Variants in BORCS5 observed in about 807,000 individuals in gnomAD.
BORCS5 encodes the protein BLOC-1 related complex subunit 5.
A neutral mutation model predicts 22.1 loss-of-function variants in BORCS5; 17 were observed. The observed-to-expected ratio is 0.77, with a 90% CI of 0.53 to 1.15. BORCS5 has a LOEUF of 1.15. Among genes scored for constraint, BORCS5 ranks in the 50% most tolerant of loss-of-function variants. BORCS5 has a pLI of 0.00. For missense variants in BORCS5, 247 were observed against 253.2 expected (o/e 0.98, Z 0.17); for synonymous variants, 117 against 99.8 (o/e 1.17, Z -1.03).
At chr12:12,434,036 G>C (rs2136123105) in intron 2 of BORCS5, among the ~76,000 whole-genome samples, 1 of 152,118 alleles carries the variant, frequency 6.6e-6, no homozygotes, top group East Asian at 1.9e-4. Flanking sequence ...GCTTTGGCCA[G>C]GTGAGGTGGC....
At chr12:12,392,028 G>A (rs1217169849) in intron 2 of BORCS5, among the ~76,000 whole-genome samples, 1 of 138,770 alleles carries the variant, frequency 7.2e-6, no homozygotes, top group Admixed American at 7.5e-5. Flanking sequence ...CCTGGGCAAT[G>A]GAGTGAGACT....
At position 12,357,269 on chromosome 12, in the gene BORCS5, C is replaced by A; in HGVS notation, c.-183C>A. 6.9e-7 allele frequency: 1 copy of A among 1,459,036 alleles called. No individual in the cohort carries two copies. The highest frequency in any genetic ancestry group is 9.0e-7 in the Non-Finnish European group (1 of 1,107,340). 90.4% of individuals were successfully genotyped at this position (1,459,036 alleles called of 1,614,324 possible). Reference sequence around the variant, plus strand: ...TTTCTGTTCCCCAAATAGGGCCTCTCCTTCTCCCGCCGCCCAGGCCCCTGC... The same window carrying A: ...TTTCTGTTCCCCAAATAGGGCCTCTACTTCTCCCGCCGCCCAGGCCCCTGC... On this transcript the variant is annotated 5_prime_UTR_variant, in exon 1 of 4. Transcript: ENST00000314565.
intron 2 of BORCS5, among the ~76,000 whole-genome samples, chr12:12,420,371 T>C (rs1254820223): frequency 1.3e-5 from 2 of 152,244 alleles, no homozygotes; most frequent in Non-Finnish European, 2.9e-5. Context: ...TGTGGTGTTA[T>C]TTCTGAGGGC....
At chr12:12,374,314 C>G (rs1163534650) in intron 2 of BORCS5, among the ~76,000 whole-genome samples, 1 of 151,462 alleles carries the variant, frequency 6.6e-6, no homozygotes, top group Non-Finnish European at 1.5e-5. Context: ...GTTTAAAAGT[C>G]TTCTATATAT....
chr12:12,419,108 A>G (rs1255105633), intron 2 of BORCS5, among the ~76,000 whole-genome samples: 1 of 152,060 alleles, frequency 6.6e-6, no homozygotes, highest in East Asian at 1.9e-4. Flanking sequence ...GGTTTGATAA[A>G]TAGGTATATA....
chr12:12,403,084 G>C lies in BORCS5; in HGVS notation c.203-32544G>C, dbSNP rs563348762. On this transcript the variant is annotated intron_variant, in intron 2 of 3. Coordinates refer to ENST00000314565, the MANE Select transcript of BORCS5 (RefSeq NM_058169.6). ...TTTCCCTTTTTTTTTTTGCACAAAAGTGTTACATGTATTTTCTCGTTTAAT... is the reference window on the plus strand; with the variant it reads ...TTTCCCTTTTTTTTTTTGCACAAAACTGTTACATGTATTTTCTCGTTTAAT... Among the ~76,000 whole-genome samples, 18 of 151,310 alleles carry C rather than the reference G, an allele frequency of 1.2e-4. No homozygotes were observed. In the South Asian group the frequency reaches 2.9e-3, roughly 25 times the overall value.
chr12:12,421,871 TG>T (rs1338052577), intron 2 of BORCS5, among the ~76,000 whole-genome samples: 4 of 152,228 alleles, frequency 2.6e-5, no homozygotes, highest in African/African-American at 9.6e-5. Flanking sequence ...GATGATAGTT[TG>T]TATTTCTGTG....
chr12:12,404,261 C>A (rs1393923232), intron 2 of BORCS5, among the ~76,000 whole-genome samples: 2 of 152,114 alleles, frequency 1.3e-5, no homozygotes, highest in African/African-American at 4.8e-5. Flanking sequence ...AGCCAAGGCC[C>A]AAGGGAGCAC....
chr12:12,391,108 C>T (rs1004061824), intron 2 of BORCS5, among the ~76,000 whole-genome samples: 3 of 151,956 alleles, frequency 2.0e-5, no homozygotes, highest in African/African-American at 7.3e-5. Flanking sequence ...TGCATCCAGT[C>T]AGTCTTGTTT....
chr12:12,435,788 A>T lies in BORCS5; in HGVS notation c.360+3A>T, dbSNP rs773408896. The T allele has an allele frequency of 1.2e-6, 2 of 1,608,254 alleles. No homozygotes were observed. Among genetic ancestry groups the T allele is most frequent in the Non-Finnish European group, 1.7e-6 (2 of 1,176,730 alleles). On this transcript the variant is annotated splice_donor_region_variant and intron_variant, in intron 3 of 3. Transcript: ENST00000314565. ...CTTTGGTTAAACGAATCAAAGAGGT[A>T]ATGTGCTGCGGGAAAATAACATTGC...
At chr12:12,357,861 C>T (rs1863182292) in intron 1 of BORCS5, among the ~76,000 whole-genome samples, 5 of 152,190 alleles carry the variant, frequency 3.3e-5, no homozygotes, top group Admixed American at 3.3e-4. Flanking sequence ...ATTATAGGAC[C>T]TCTAAGAACA....
In BORCS5 at chr12:12,469,557, G is replaced by A. The variant is rs577879143; in HGVS notation, c.*3781G>A. Reference sequence around the variant, plus strand: ...AGGTTACATAAACTAATGGCCCTGGGGCGAATGACGTATGCCACTTTTGTG... The same window carrying A: ...AGGTTACATAAACTAATGGCCCTGGAGCGAATGACGTATGCCACTTTTGTG... On this transcript the variant is annotated 3_prime_UTR_variant, in exon 4 of 4. Coordinates refer to ENST00000314565, the MANE Select transcript of BORCS5 (RefSeq NM_058169.6). The A allele has an allele frequency of 1.3e-5, 2 of 152,318 alleles. No individual in the cohort carries two copies. The highest frequency in any genetic ancestry group is 6.5e-5 in the Admixed American group (1 of 15,294). The allele number at this position is 152,318 out of a possible 1,614,324, so 9.4% of individuals were successfully genotyped here. A position where few individuals can be genotyped will look rare whatever the true frequency, so the allele number is the denominator to read the frequency against.
chr12:12,412,945 T>G (rs1451489267), intron 2 of BORCS5, among the ~76,000 whole-genome samples: 1 of 141,418 alleles, frequency 7.1e-6, no homozygotes, highest in Non-Finnish European at 1.5e-5. Context: ...TCTTGGGTGT[T>G]TCTCACAGAG....
At chr12:12,431,306 G>A (rs1441094991) in intron 2 of BORCS5, among the ~76,000 whole-genome samples, 3 of 151,782 alleles carry the variant, frequency 2.0e-5, no homozygotes, top group Non-Finnish European at 4.4e-5. Flanking sequence ...CTTATTATAA[G>A]TGAGGTTGTG....
chr12:12,357,161 A>G lies in BORCS5; in HGVS notation c.-291A>G, dbSNP rs1384728876. ...CGCCCGCCGGCCGCAGGTGCGGCAAAGCCAGTGTCATCTGCCGGTTCTCTT... is the reference window on the plus strand; with the variant it reads ...CGCCCGCCGGCCGCAGGTGCGGCAAGGCCAGTGTCATCTGCCGGTTCTCTT... On this transcript the variant is annotated 5_prime_UTR_variant, in exon 1 of 4. Coordinates refer to ENST00000314565, the MANE Select transcript of BORCS5 (RefSeq NM_058169.6). 19 of 1,532,062 alleles carry G rather than the reference A, an allele frequency of 1.2e-5. No individual in the cohort carries two copies. Among genetic ancestry groups the G allele is most frequent in the Non-Finnish European group, 1.6e-5 (18 of 1,145,296 alleles). The allele number at this position is 1,532,062 out of a possible 1,614,324, so 94.9% of individuals were successfully genotyped here.
chr12:12,415,077 G>GCT (rs1357389245), intron 2 of BORCS5, among the ~76,000 whole-genome samples: 2 of 149,744 alleles, frequency 1.3e-5, no homozygotes, highest in African/African-American at 4.9e-5. Flanking sequence ...GGGCAGCCAG[G>GCT]CAGAGAGGCT....
chr12:12,447,147 T>A (rs749008427), intron 3 of BORCS5, among the ~76,000 whole-genome samples: 1 of 152,180 alleles, frequency 6.6e-6, no homozygotes, highest in Admixed American at 6.5e-5. Flanking sequence ...TGCCTCTCCA[T>A]CAGATATTGT....
At position 12,357,400 on chromosome 12, in the gene BORCS5, G is replaced by A. The variant is rs1863165619; in HGVS notation, c.-52G>A. 3.1e-6 allele frequency: 5 copies of A among 1,587,378 alleles called. No homozygotes were observed. Among genetic ancestry groups the A allele is most frequent in the South Asian group, 1.1e-5 (1 of 89,246 alleles). On this transcript the variant is annotated 5_prime_UTR_variant, in exon 1 of 4. Transcript: ENST00000314565. ...GCCCCTGCCCTGTCGCCCGCCGCCG[G>A]AGCGGTGACCGCCCGGCCCGCCGTT... is the stretch of plus-strand genomic sequence containing the variant.
intron 1 of BORCS5, among the ~76,000 whole-genome samples, chr12:12,358,054 ATTG>A (rs747035672): frequency 1.1e-4 from 17 of 152,158 alleles, no homozygotes; most frequent in Non-Finnish European, 2.4e-4. Flanking sequence ...GGTGTTTTCC[ATTG>A]TTGTTCTCTG....
Sources: gnomAD v4.1 joint callset for allele counts (sites outside exome capture counted in the v4.1 genomes callset) on GRCh38, gnomAD v4.1.1 for gene constraint, MANE v1.5 for transcripts, NCBI Gene and HGNC (gene_info 2026-07-23, HGNC 2026-07-21) for gene names.